TMPRSS11D: variants seen among roughly 807,000 people sequenced by gnomAD.
TMPRSS11D encodes the protein transmembrane protease serine 11D.
In TMPRSS11D, 32 loss-of-function variants were observed where a neutral mutation model predicts 44.4. The observed-to-expected ratio is 0.72, with a 90% CI of 0.54 to 0.97. The LOEUF (loss-of-function observed/expected upper bound fraction) is 0.97, where lower values mean the gene tolerates loss of function less well. Among genes scored for constraint, TMPRSS11D ranks in the 50% least tolerant of loss-of-function variants. The pLI is 0.00. For synonymous variants in TMPRSS11D, 179 were observed against 177.9 expected (o/e 1.01, Z -0.05); for missense variants, 446 against 502.6 (o/e 0.89, Z 1.08).
chr4:67,836,863 T>A (rs948418574), intron 5 of TMPRSS11D, among the ~76,000 whole-genome samples: 2 of 152,170 alleles, frequency 1.3e-5, no homozygotes, highest in Non-Finnish European at 1.5e-5. Flanking sequence ...TGCCTTTTCA[T>A]GCTTTCCTTC....
At chr4:67,862,453 G>A (rs1004495851) in intron 1 of TMPRSS11D, among the ~76,000 whole-genome samples, 6 of 152,148 alleles carry the variant, frequency 3.9e-5, no homozygotes, top group Admixed American at 3.3e-4. Context: ...TGGGTTTCAC[G>A]TCTCTCCTGA....
chr4:67,846,638 A>C (rs1025390553), intron 3 of TMPRSS11D, among the ~76,000 whole-genome samples: 12 of 152,146 alleles, frequency 7.9e-5, no homozygotes, highest in African/African-American at 2.9e-4. Flanking sequence ...TCCATTTTCC[A>C]TGATGTCAAT....
Position 67,838,308 on chromosome 4 carries a change from T to C in TMPRSS11D, c.339A>G (p.Arg113=). The C allele has an allele frequency of 1.3e-6, 2 of 1,586,038 alleles. No homozygotes were observed. The highest frequency in any genetic ancestry group is 1.4e-5 in the African/African-American group (1 of 73,664). ...AKLRQDGSGV[R]ADVVMKFQFT... Reference sequence around the variant, plus strand: ...ATTGAAATTTCATGACAACATCCGCTCTCACACCACTACCATCTTGCCTGT... The same window carrying C: ...ATTGAAATTTCATGACAACATCCGCCCTCACACCACTACCATCTTGCCTGT... The change falls in exon 5 of 10, where the codon AGA becomes AGG. Residue 113 remains arginine, a synonymous_variant. Transcript: ENST00000283916.
chr4:67,846,767 T>A (rs1411975088), intron 3 of TMPRSS11D, among the ~76,000 whole-genome samples: 1 of 137,906 alleles, frequency 7.3e-6, no homozygotes, highest in Admixed American at 8.1e-5. Flanking sequence ...TGTGTGCATG[T>A]CAGAGAACTT....
chr4:67,840,591 C>T (rs1718208425), intron 4 of TMPRSS11D, among the ~76,000 whole-genome samples: 1 of 152,116 alleles, frequency 6.6e-6, no homozygotes, highest in African/African-American at 2.4e-5. Flanking sequence ...TAAAAGATCA[C>T]CTAGTATCTG....
In TMPRSS11D at chr4:67,827,490, C is replaced by A. The variant is rs186019937; in HGVS notation, c.723G>T (p.Thr241=). Residue 241 remains threonine, a synonymous_variant, in exon 8 of 10, where the codon ACG becomes ACT. Transcript: ENST00000283916. ...SNSNPRDWIA[T]SGISTTFPKL... ...TAGGAAATGTTGTGGAAATACCAGA[C>A]GTGGCAATCCAGTCACGAGGATTAG... is the stretch of plus-strand genomic sequence containing the variant. 2.5e-6 allele frequency: 4 copies of A among 1,608,002 alleles called. No homozygotes were observed. Among genetic ancestry groups the A allele is most frequent in the Non-Finnish European group, 3.4e-6 (4 of 1,176,736 alleles).
chr4:67,879,965 A>G lies in TMPRSS11D; in HGVS notation c.8+3961T>C, dbSNP rs545686230. 4.3e-4 allele frequency among the ~76,000 whole-genome samples: 66 copies of G among 152,362 alleles called. No homozygotes were observed. The South Asian group carries it at 7.7e-3, about 18-fold the overall frequency. Reference sequence around the variant, plus strand: ...AAAGAAATATTATACAGCTATGAACATGAATAAGCTATGCACACTTTATTG... The same window carrying G: ...AAAGAAATATTATACAGCTATGAACGTGAATAAGCTATGCACACTTTATTG... On this transcript the variant is annotated intron_variant, in intron 1 of 9. Coordinates refer to ENST00000283916, the MANE Select transcript of TMPRSS11D (RefSeq NM_004262.3).
chr4:67,852,887 A>C (rs1295572686), intron 3 of TMPRSS11D, among the ~76,000 whole-genome samples: 2 of 152,210 alleles, frequency 1.3e-5, no homozygotes, highest in Non-Finnish European at 2.9e-5. Context: ...TAACATGGCA[A>C]ATTAAACAAG....
intron 9 of TMPRSS11D, 152 bp downstream of exon 9, chr4:67,825,580 A>G: frequency 1.1e-6 from 1 of 927,900 alleles, no homozygotes; most frequent in Non-Finnish European, 1.5e-6. Flanking sequence ...TCATTCATAA[A>G]AAAATTTATT....
chr4:67,827,167 A>G (rs1717814904), intron 8 of TMPRSS11D, 94 bp downstream of exon 8: 2 of 1,472,172 alleles, frequency 1.4e-6, no homozygotes, highest in Admixed American at 2.3e-5. Context: ...AGAAGAATAG[A>G]AACACCTATT....
At chr4:67,874,003 G>A (rs1719119439) in intron 1 of TMPRSS11D, among the ~76,000 whole-genome samples, 1 of 152,124 alleles carries the variant, frequency 6.6e-6, no homozygotes, top group Non-Finnish European at 1.5e-5. Flanking sequence ...CAGATCGCAT[G>A]TATGACAGTG....
rs1718258285 is a variant in TMPRSS11D, at chr4:67,842,552, A to G, written c.317+6T>C. ...ACTTAAATATTTTTTCTACAGTTCC[A>G]CTCACCTCAGTTTGGCAACATGAGC... is the stretch of plus-strand genomic sequence containing the variant. On this transcript the variant is annotated splice_donor_region_variant and intron_variant, in intron 4 of 9. Coordinates refer to ENST00000283916, the MANE Select transcript of TMPRSS11D (RefSeq NM_004262.3). 1 of 1,611,046 alleles carries G rather than the reference A, an allele frequency of 6.2e-7. No individual in the cohort carries two copies. Among genetic ancestry groups the G allele is most frequent in the African/African-American group, 1.3e-5 (1 of 74,744 alleles).
intron 1 of TMPRSS11D, among the ~76,000 whole-genome samples, chr4:67,880,983 GTTATCCAATTAATGAC>G (rs1411317967): frequency 5.4e-4 from 82 of 152,288 alleles, no homozygotes; most frequent in African/African-American, 2.0e-3. Context: ...ATCTTAGGCA[GTTATCCAATTAATGAC>G]TTTAGATTTG....
chr4:67,837,349 CTT>C (rs1269241921), intron 5 of TMPRSS11D, among the ~76,000 whole-genome samples: 1 of 152,098 alleles, frequency 6.6e-6, no homozygotes, highest in Non-Finnish European at 1.5e-5. Context: ...AAGCATAACT[CTT>C]TAGCAGCAGG....
intron 1 of TMPRSS11D, among the ~76,000 whole-genome samples, chr4:67,875,399 C>T (rs182351690): frequency 1.5e-3 from 230 of 152,282 alleles, no homozygotes; most frequent in African/African-American, 5.1e-3. Flanking sequence ...TCACACCGTT[C>T]TCTCCATCCT....
Position 67,835,078 on chromosome 4 carries a change from C to T in TMPRSS11D, c.514+5G>A, listed in dbSNP as rs1326319796. ...TTACAGTTACAAAATAATATTAAAA[C>T]TTACCATTAATAAGCCAATTTGCTG... On this transcript the variant is annotated splice_donor_5th_base_variant and intron_variant, in intron 6 of 9. Coordinates refer to ENST00000283916, the MANE Select transcript of TMPRSS11D (RefSeq NM_004262.3). 6.2e-7 allele frequency: 1 copy of T among 1,611,660 alleles called. No homozygotes were observed. The highest frequency in any genetic ancestry group is 8.5e-7 in the Non-Finnish European group (1 of 1,178,262).
At chr4:67,836,183 C>T (rs1718083531) in intron 5 of TMPRSS11D, among the ~76,000 whole-genome samples, 1 of 152,094 alleles carries the variant, frequency 6.6e-6, no homozygotes, top group African/African-American at 2.4e-5. Flanking sequence ...TTTGGTACTA[C>T]TTTAGTTCAT....
chr4:67,883,429 A>G (rs1478653803), intron 1 of TMPRSS11D, among the ~76,000 whole-genome samples: 1 of 152,066 alleles, frequency 6.6e-6, no homozygotes, highest in Non-Finnish European at 1.5e-5. Flanking sequence ...AACTTTCTTG[A>G]AAATAATTCT....
chr4:67,834,051 T>C (rs552586833), intron 6 of TMPRSS11D, among the ~76,000 whole-genome samples: 74 of 152,320 alleles, frequency 4.9e-4, no homozygotes, highest in African/African-American at 1.5e-3. Context: ...ATAAGGTTTA[T>C]TTAAATGTTT....
Sources: allele counts gnomAD v4.1 joint callset (sites outside exome capture counted in the v4.1 genomes callset), GRCh38; gene constraint gnomAD v4.1.1; transcripts MANE v1.5; gene names NCBI Gene and HGNC (gene_info 2026-07-23, HGNC 2026-07-21).